GRIA4: variants seen among roughly 807,000 people sequenced by gnomAD.
The protein encoded by GRIA4 is glutamate ionotropic receptor AMPA type subunit 4, also known as glutamate receptor 4.
GRIA4 carries 34 observed loss-of-function variants against 104.0 expected under a neutral mutation model. That is an observed-to-expected ratio of 0.33 (90% confidence interval 0.25 to 0.44). GRIA4 has a LOEUF of 0.44. Ranked by LOEUF, GRIA4 falls within the 20% of genes least tolerant of loss-of-function variation. The pLI is 1.00. For missense variants in GRIA4, 750 were observed against 1,096.5 expected (o/e 0.68, Z 4.46); for synonymous variants, 386 against 381.9 (o/e 1.01, Z -0.13).
At chr11:105,671,959 C>T (rs1047544643) in intron 3 of GRIA4, among the ~76,000 whole-genome samples, 1 of 151,948 alleles carries the variant, frequency 6.6e-6, no homozygotes, top group Non-Finnish European at 1.5e-5. Context: ...GTGCTGTTTC[C>T]GTTTGCTTTC....
intron 14 of GRIA4, among the ~76,000 whole-genome samples, chr11:105,966,496 GTCTAGGGTGCCCACTAAAAAGTTT>G (rs759462251): frequency 1.5e-4 from 23 of 152,216 alleles, no homozygotes; most frequent in Admixed American, 3.3e-4. Flanking sequence ...ACATAGACCT[GTCTAGGGTGCCCACTAAAAAGTTT>G]TCTCCATCTA....
intron 4 of GRIA4, among the ~76,000 whole-genome samples, chr11:105,757,384 A>G (rs1940377275): frequency 6.6e-6 from 1 of 152,174 alleles, no homozygotes. Flanking sequence ...AAATCTAACA[A>G]GGGGAATGAA....
At chr11:105,683,827 G>A (rs746698875) in intron 3 of GRIA4, among the ~76,000 whole-genome samples, 4 of 151,762 alleles carry the variant, frequency 2.6e-5, no homozygotes, top group Admixed American at 6.6e-5. Context: ...AGTCGTAATG[G>A]AATTAAATGC....
chr11:105,898,529 T>C (rs991792087), intron 7 of GRIA4, 102 bp downstream of exon 7: 21 of 715,382 alleles, frequency 2.9e-5, no homozygotes, highest in Admixed American at 8.7e-5. Context: ...AAACATAGTA[T>C]GGCATGGGAA....
chr11:105,695,511 TGTGC>T (rs1047338633), intron 3 of GRIA4, among the ~76,000 whole-genome samples: 9 of 137,730 alleles, frequency 6.5e-5, no homozygotes, highest in South Asian at 2.4e-4. Flanking sequence ...TCTGTGTGTG[TGTGC>T]GTGCGCGTTT....
At chr11:105,720,460 G>A (rs756082245) in intron 3 of GRIA4, among the ~76,000 whole-genome samples, 1 of 152,066 alleles carries the variant, frequency 6.6e-6, no homozygotes, top group Admixed American at 6.6e-5. Flanking sequence ...CCTATGAAAT[G>A]ATGGGTTTCT....
chr11:105,861,234 C>T (rs898552739), intron 4 of GRIA4, among the ~76,000 whole-genome samples: 1 of 152,130 alleles, frequency 6.6e-6, no homozygotes, highest in Non-Finnish European at 1.5e-5. Flanking sequence ...TCCTTCTCAA[C>T]CTTCAAGACC....
At chr11:105,860,147 AT>A (rs984996688) in intron 4 of GRIA4, among the ~76,000 whole-genome samples, 9 of 152,060 alleles carry the variant, frequency 5.9e-5, no homozygotes, top group African/African-American at 2.2e-4. Flanking sequence ...TCTTCGGGGA[AT>A]TTTTTTTCAT....
intron 3 of GRIA4, among the ~76,000 whole-genome samples, chr11:105,703,089 A>G (rs2135527736): frequency 6.6e-6 from 1 of 152,306 alleles, no homozygotes; most frequent in Middle Eastern, 3.4e-3. Flanking sequence ...ATTTAAAGTA[A>G]GAAAAATCAA....
chr11:105,827,962 C>G (rs1226178118), intron 4 of GRIA4, among the ~76,000 whole-genome samples: 1 of 151,966 alleles, frequency 6.6e-6, no homozygotes, highest in Admixed American at 6.6e-5. Flanking sequence ...TATTTAAAAA[C>G]CATGTGGCAA....
At chr11:105,646,042 A>G (rs1484031445) in intron 3 of GRIA4, among the ~76,000 whole-genome samples, 3 of 152,226 alleles carry the variant, frequency 2.0e-5, no homozygotes, top group African/African-American at 7.2e-5. Context: ...CATTAATATT[A>G]GCTAAGAGAT....
chr11:105,815,024 T>C (rs1258319503), intron 4 of GRIA4, among the ~76,000 whole-genome samples: 1 of 152,080 alleles, frequency 6.6e-6, no homozygotes, highest in Non-Finnish European at 1.5e-5. Flanking sequence ...GCCACAGCAA[T>C]AAGAAAAGAC....
chr11:105,798,842 A>G (rs1357277842), intron 4 of GRIA4, among the ~76,000 whole-genome samples: 2 of 152,156 alleles, frequency 1.3e-5, no homozygotes, highest in African/African-American at 4.8e-5. Flanking sequence ...ATTGGTGGGA[A>G]GTCAGGTAGT....
At position 105,979,736 on chromosome 11, in the gene GRIA4, A is replaced by G. The variant is rs1859183313; in HGVS notation, c.2706A>G (p.Pro902=). The G allele has an allele frequency of 6.2e-7, 1 of 1,611,896 alleles. No individual in the cohort carries two copies. Among genetic ancestry groups the G allele is most frequent in the African/African-American group, 1.3e-5 (1 of 74,882 alleles). The change falls in exon 17 of 17, where the codon CCA becomes CCG. Residue 902 remains proline, a synonymous_variant. Transcript: ENST00000282499. ...TGGCTGTCATTGCATCGGACCTACC[A>G]TAAAAACCAAAAAAATAATTGAGTG... ...SGLAVIASDL[P]
intron 3 of GRIA4, among the ~76,000 whole-genome samples, chr11:105,686,378 T>C (rs1952882596): frequency 6.6e-6 from 1 of 152,226 alleles, no homozygotes; most frequent in South Asian, 2.1e-4. Flanking sequence ...TCCAGCTGCA[T>C]CTATGTTGCT....
intron 3 of GRIA4, among the ~76,000 whole-genome samples, chr11:105,660,189 A>C (rs1283521356): frequency 1.3e-5 from 2 of 151,726 alleles, no homozygotes; most frequent in Non-Finnish European, 3.0e-5. Context: ...CTAGATCTCA[A>C]GAATTTGAAA....
chr11:105,669,910 T>C (rs562074701), intron 3 of GRIA4, among the ~76,000 whole-genome samples: 13 of 152,130 alleles, frequency 8.5e-5, no homozygotes, highest in South Asian at 6.2e-4. Context: ...ATCTGTAAAA[T>C]AGACATATTT....
intron 4 of GRIA4, among the ~76,000 whole-genome samples, chr11:105,761,393 G>A (rs1465577396): frequency 2.0e-5 from 3 of 151,956 alleles, no homozygotes; most frequent in African/African-American, 7.3e-5. Context: ...TGCCACAACT[G>A]CCATTATGCA....
intron 3 of GRIA4, among the ~76,000 whole-genome samples, chr11:105,666,783 ACATTATTTAATTCT>A (rs1440715725): frequency 3.3e-5 from 5 of 151,736 alleles, no homozygotes; most frequent in African/African-American, 9.7e-5. Context: ...CTTGCATGAA[ACATTATTTAATTCT>A]CTCCTTTGTT....
Sources: gnomAD v4.1 joint callset for allele counts (sites outside exome capture counted in the v4.1 genomes callset) on GRCh38, gnomAD v4.1.1 for gene constraint, MANE v1.5 for transcripts, NCBI Gene and HGNC (gene_info 2026-07-23, HGNC 2026-07-21) for gene names.